The following TMEM132B variants were observed in gnomAD, a reference collection of about 807,000 sequenced individuals.
TMEM132B encodes transmembrane protein 132B.
A neutral mutation model predicts 90.8 loss-of-function variants in TMEM132B; 18 were observed. The observed-to-expected ratio is 0.20, with a 90% confidence interval of 0.14 to 0.29. The LOEUF (loss-of-function observed/expected upper bound fraction) is 0.29, where lower values mean the gene tolerates loss of function less well. Ranked by LOEUF, TMEM132B falls within the 10% of genes least tolerant of loss-of-function variation. TMEM132B has a pLI of 1.00. For missense variants in TMEM132B, 1,096 were observed against 1,326.8 expected, an observed-to-expected ratio of 0.83 and a Z score of 2.70; for synonymous variants, 504 against 523.3, an observed-to-expected ratio of 0.96 and a Z score of 0.50.
chr12:125,586,333 G>A (rs980350151), intron 5 of TMEM132B: 2 of 152,124 alleles, frequency 1.3e-5, no homozygotes, highest in African/African-American at 2.4e-5. Context: ...TGACTTTTGC[G>A]GGACAGAATC....
chr12:125,518,594 ACT>A (rs1443371059), intron 3 of TMEM132B, among the ~76,000 whole-genome samples: 1 of 151,984 alleles, frequency 6.6e-6, no homozygotes, highest in Non-Finnish European at 1.5e-5. Flanking sequence ...TTCTGTTTTA[ACT>A]CTGTTCAGTG....
At chr12:125,405,251 G>A (rs902778181) in intron 2 of TMEM132B, among the ~76,000 whole-genome samples, 1 of 152,068 alleles carries the variant, frequency 6.6e-6, no homozygotes, top group Admixed American at 6.5e-5. Flanking sequence ...ATATTCCTTG[G>A]CCCATAGAAG....
chr12:125,527,243 CA>C (rs1280591106), intron 4 of TMEM132B, among the ~76,000 whole-genome samples: 1 of 138,890 alleles, frequency 7.2e-6, no homozygotes, highest in African/African-American at 3.0e-5. Flanking sequence ...TCCATCCACC[CA>C]TCCACCCTTC....
At chr12:125,402,502 G>A (rs947606569) in intron 2 of TMEM132B, among the ~76,000 whole-genome samples, 7 of 152,238 alleles carry the variant, frequency 4.6e-5, no homozygotes, top group African/African-American at 1.7e-4. Context: ...AAGGGTGATT[G>A]TAGACCCTGG....
intron 1 of TMEM132B, chr12:125,301,877 T>TCAAA (rs1555237890): frequency 7.0e-6 from 1 of 143,838 alleles, no homozygotes; most frequent in Non-Finnish European, 1.5e-5. Context: ...AGACTCCGTC[T>TCAAA]CAAAACAAAA....
chr12:125,539,561 A>G (rs1245136388), intron 4 of TMEM132B, among the ~76,000 whole-genome samples: 3 of 152,226 alleles, frequency 2.0e-5, no homozygotes, highest in African/African-American at 7.2e-5. Context: ...TGGGAATGTA[A>G]GCTCCGTGAG....
intron 2 of TMEM132B, among the ~76,000 whole-genome samples, chr12:125,352,403 G>A (rs2136236605): frequency 6.6e-6 from 1 of 152,372 alleles, no homozygotes; most frequent in South Asian, 2.1e-4. Context: ...GGGGGGACAA[G>A]GCTGTCTTTT....
intron 4 of TMEM132B, among the ~76,000 whole-genome samples, chr12:125,577,247 C>T (rs1884961234): frequency 6.6e-6 from 1 of 151,526 alleles, no homozygotes; most frequent in African/African-American, 2.4e-5. Context: ...TTGCTCTTTT[C>T]ATCTAGGTCA....
intron 1 of TMEM132B, among the ~76,000 whole-genome samples, chr12:125,239,331 G>GA (rs1874011214): frequency 6.6e-6 from 1 of 152,136 alleles, no homozygotes; most frequent in Non-Finnish European, 1.5e-5. Flanking sequence ...TTGAATTATA[G>GA]TCATAGTCAG....
intron 1 of TMEM132B, among the ~76,000 whole-genome samples, chr12:125,270,606 G>C (rs1044403772): frequency 6.6e-6 from 1 of 152,180 alleles, no homozygotes; most frequent in Non-Finnish European, 1.5e-5. Context: ...CCCTCCTGCT[G>C]AGACTGCTTC....
rs968745721 is a variant in TMEM132B at position 125,408,733 on chromosome 12, C to T, written c.960-6798C>T. 2.6e-5 allele frequency among the ~76,000 whole-genome samples: 4 copies of T among 152,038 alleles called. No individual in the cohort carries two copies. Among genetic ancestry groups the T allele is most frequent in the Non-Finnish European group, 2.9e-5 (2 of 68,016 alleles). On this transcript the variant is annotated intron_variant, in intron 2 of 8. Transcript: ENST00000682704. The surrounding 1 kb of genome is among the most constrained non-coding windows in gnomAD (Gnocchi z 5.9). Reference sequence around the variant, plus strand: ...GCATGTGTTTCTGTTGGGCATAAACCGAGGAGTGGCAATGCTGTTACAGGG... The same window carrying T: ...GCATGTGTTTCTGTTGGGCATAAACTGAGGAGTGGCAATGCTGTTACAGGG...
intron 4 of TMEM132B, among the ~76,000 whole-genome samples, chr12:125,576,473 C>A (rs1304085): frequency 2.0e-5 from 3 of 150,350 alleles, no homozygotes; most frequent in Admixed American, 6.6e-5. Flanking sequence ...CCCCCCACCC[C>A]GCCCCAATTA....
intron 2 of TMEM132B, among the ~76,000 whole-genome samples, chr12:125,376,710 C>T (rs1358188033): frequency 6.6e-6 from 1 of 152,212 alleles, no homozygotes; most frequent in Non-Finnish European, 1.5e-5. Context: ...GTTCCCCCTT[C>T]CCCTTAAAAG....
chr12:125,529,551 C>T (rs1883588552), intron 4 of TMEM132B, among the ~76,000 whole-genome samples: 1 of 152,200 alleles, frequency 6.6e-6, no homozygotes, highest in Admixed American at 6.5e-5. Flanking sequence ...CCTGTGCTCA[C>T]TCACTTTGCT....
At chr12:125,599,150 G>C (rs1381607649) in intron 5 of TMEM132B, among the ~76,000 whole-genome samples, 1 of 152,132 alleles carries the variant, frequency 6.6e-6, no homozygotes, top group Non-Finnish European at 1.5e-5. Flanking sequence ...TGAATCAGGG[G>C]TGTGGGTTTT....
At chr12:125,461,588 C>T (rs185930986) in intron 3 of TMEM132B, among the ~76,000 whole-genome samples, 17 of 152,314 alleles carry the variant, frequency 1.1e-4, no homozygotes, top group Non-Finnish European at 2.4e-4. Flanking sequence ...TAGAATCTCT[C>T]AATTTTTGAA....
chr12:125,248,815 C>A (rs977091530), intron 1 of TMEM132B, among the ~76,000 whole-genome samples: 1 of 152,316 alleles, frequency 6.6e-6, no homozygotes, highest in Non-Finnish European at 1.5e-5. Flanking sequence ...TCTCCCTCTG[C>A]CCACTGTGGC....
At position 125,492,838 on chromosome 12, in the gene TMEM132B, C is replaced by T. The variant is rs181111743; in HGVS notation, c.1107-26601C>T. Reference sequence around the variant, plus strand: ...TGTCAGGCTCCAGGGATAGACACAGCGCCAACCAAAGGCTCAGTTCCACCC... The same window carrying T: ...TGTCAGGCTCCAGGGATAGACACAGTGCCAACCAAAGGCTCAGTTCCACCC... On this transcript the variant is annotated intron_variant, in intron 3 of 8. Coordinates refer to ENST00000682704, the MANE Select transcript of TMEM132B (RefSeq NM_001366854.1). This position sits in a 1 kb window ranked among gnomAD's most constrained non-coding sequence, Gnocchi z 5.8. Among the ~76,000 whole-genome samples the T allele has an allele frequency of 6.8e-4, 103 of 152,236 alleles. No individual in the cohort carries two copies. The highest frequency in any genetic ancestry group is 5.2e-3 in the Admixed American group (79 of 15,290).
chr12:125,238,131 G>A (rs1449130527), intron 1 of TMEM132B, among the ~76,000 whole-genome samples: 2 of 151,222 alleles, frequency 1.3e-5, no homozygotes, highest in Admixed American at 6.6e-5. Flanking sequence ...TTTTTCTAAA[G>A]GGCCTGACTT....
Sources: gnomAD v4.1 joint callset for allele counts (sites outside exome capture counted in the v4.1 genomes callset) on GRCh38, gnomAD v4.1.1 for gene constraint, Gnocchi (gnomAD v3.1) non-coding constraint, MANE v1.5 for transcripts, NCBI Gene and HGNC (gene_info 2026-07-23, HGNC 2026-07-21) for gene names.